Variants in LUZP2 observed in about 807,000 individuals in gnomAD.
The protein encoded by LUZP2 is leucine zipper protein 2.
A neutral mutation model predicts 51.6 loss-of-function variants in LUZP2; 52 were observed. The ratio of observed to expected loss-of-function variants is 1.01; its 90% CI spans 0.81 to 1.27. The LOEUF is 1.27. Ranked by LOEUF, LUZP2 falls within the 50% of genes most tolerant of loss-of-function variation. LUZP2 has a pLI of 0.00. For synonymous variants in LUZP2, 154 were observed against 137.3 expected (o/e 1.12, Z -0.85); for missense variants, 436 against 395.4 (o/e 1.10, Z -0.87).
chr11:24,926,236 T>TATATATAC (rs1565118500), intron 7 of LUZP2, among the ~76,000 whole-genome samples: 10 of 145,764 alleles, frequency 6.9e-5, no homozygotes, highest in Non-Finnish European at 1.2e-4. Context: ...TATATATATA[T>TATATATAC]GTGTGTGTAT....
chr11:24,705,933 G>GAA (rs71041793), intron 1 of LUZP2, among the ~76,000 whole-genome samples: 24,766 of 123,390 alleles, frequency 0.2, 2,439 homozygotes, highest in East Asian at 0.26. Flanking sequence ...CGCTAAAAAA[G>GAA]AAAAAAAAAA....
chr11:24,973,367 T>TTTG (rs1855801340), intron 7 of LUZP2, among the ~76,000 whole-genome samples: 1 of 52,372 alleles, frequency 1.9e-5, no homozygotes, highest in Admixed American at 1.8e-4. Context: ...TTTATTAGTT[T>TTTG]TTTTTTTTTT....
intron 5 of LUZP2, among the ~76,000 whole-genome samples, chr11:24,869,488 C>G (rs1486718): frequency 0.99 from 150,884 of 152,072 alleles, 74,859 homozygotes; most frequent in Middle Eastern, 1. Flanking sequence ...ATGGAGTCTC[C>G]CTCTGTCGCC....
chr11:24,649,752 A>G (rs1855568889), intron 1 of LUZP2, among the ~76,000 whole-genome samples: 1 of 151,890 alleles, frequency 6.6e-6, no homozygotes, highest in Non-Finnish European at 1.5e-5. Context: ...TTTCTATCAG[A>G]GGCAAAAGGC....
chr11:24,842,615 C>G (rs1851071106), intron 5 of LUZP2, among the ~76,000 whole-genome samples: 1 of 151,898 alleles, frequency 6.6e-6, no homozygotes, highest in Admixed American at 6.6e-5. Flanking sequence ...GACCCTTAAG[C>G]TAGAAATCAA....
intron 7 of LUZP2, among the ~76,000 whole-genome samples, chr11:24,960,458 T>TG (rs1184863839): frequency 7.1e-6 from 1 of 141,538 alleles, no homozygotes; most frequent in Non-Finnish European, 1.6e-5. Context: ...GAGATTCAAC[T>TG]TCTTCCTGGT....
chr11:24,965,737 A>G, intron 7 of LUZP2, among the ~76,000 whole-genome samples: 1 of 151,854 alleles, frequency 6.6e-6, no homozygotes, highest in East Asian at 1.9e-4. Context: ...TATGAAATGT[A>G]TGTAGAATAT....
chr11:25,014,018 C>T (rs1022354481), intron 9 of LUZP2, among the ~76,000 whole-genome samples: 47 of 152,020 alleles, frequency 3.1e-4, no homozygotes, highest in African/African-American at 4.3e-4. Context: ...TTTGTCCCTG[C>T]GATAGTTTGC....
intron 4 of LUZP2, among the ~76,000 whole-genome samples, chr11:24,739,525 G>A (rs1472481151): frequency 1.3e-5 from 2 of 152,026 alleles, no homozygotes; most frequent in Non-Finnish European, 2.9e-5. Flanking sequence ...GTTGTTCAGA[G>A]CAAGGCTGAT....
At chr11:24,678,079 G>T (rs1185101213) in intron 1 of LUZP2, among the ~76,000 whole-genome samples, 3 of 136,320 alleles carry the variant, frequency 2.2e-5, no homozygotes, top group Non-Finnish European at 3.2e-5. Context: ...GGAGAAAGGG[G>T]GGGGGGGGTG....
intron 9 of LUZP2, among the ~76,000 whole-genome samples, chr11:24,997,158 G>A (rs111667635): frequency 0.38 from 56,622 of 148,118 alleles, 12,980 homozygotes; most frequent in East Asian, 0.68. Context: ...TGGGTCAAAT[G>A]GTATTTCTAG....
chr11:24,701,101 G>C (rs1857407757), intron 1 of LUZP2, among the ~76,000 whole-genome samples: 1 of 152,196 alleles, frequency 6.6e-6, no homozygotes, highest in Admixed American at 6.5e-5. Flanking sequence ...CAAAGGCTGG[G>C]TAATTTATAA....
chr11:24,959,196 C>T (rs1469481572), intron 7 of LUZP2, among the ~76,000 whole-genome samples: 1 of 152,086 alleles, frequency 6.6e-6, no homozygotes, highest in Non-Finnish European at 1.5e-5. Context: ...TGTGATGCCT[C>T]CAGCTTTGTT....
At chr11:25,007,056 C>A (rs978356614) in intron 9 of LUZP2, among the ~76,000 whole-genome samples, 1 of 152,134 alleles carries the variant, frequency 6.6e-6, no homozygotes, top group Admixed American at 6.5e-5. Context: ...TTTGCATTTA[C>A]AAACCTTTAG....
intron 5 of LUZP2, among the ~76,000 whole-genome samples, chr11:24,895,295 A>C (rs550328504): frequency 6.6e-6 from 1 of 152,272 alleles, no homozygotes; most frequent in East Asian, 1.9e-4. Context: ...AAGAGGATAA[A>C]AACTTAAGGA....
chr11:24,926,379 G>GTATATATATACGTGTGTA (rs1269637157), intron 7 of LUZP2, among the ~76,000 whole-genome samples: 13 of 8,034 alleles, frequency 1.6e-3, no homozygotes, highest in African/African-American at 3.9e-3. Context: ...ATATACGTGT[G>GTATATATATACGTGTGTA]TATATATATA....
At chr11:24,936,070 G>A (rs986399694) in intron 7 of LUZP2, among the ~76,000 whole-genome samples, 4 of 151,942 alleles carry the variant, frequency 2.6e-5, no homozygotes, top group Non-Finnish European at 5.9e-5. Flanking sequence ...TAGTGTTTTT[G>A]TTAACCTAAT....
At chr11:24,952,072 G>C (rs1158260283) in intron 7 of LUZP2, among the ~76,000 whole-genome samples, 1 of 151,626 alleles carries the variant, frequency 6.6e-6, no homozygotes, top group East Asian at 1.9e-4. Flanking sequence ...ACTGGCAACT[G>C]AGGTTGAGGA....
chr11:24,629,291 A>G (rs1256451071), intron 1 of LUZP2, among the ~76,000 whole-genome samples: 1 of 151,794 alleles, frequency 6.6e-6, no homozygotes, highest in Admixed American at 6.6e-5. Flanking sequence ...GTTCATATGT[A>G]CACATTATTT....
Sources: allele counts gnomAD v4.1 joint callset (sites outside exome capture counted in the v4.1 genomes callset), GRCh38; gene constraint gnomAD v4.1.1; transcripts MANE v1.5; gene names NCBI Gene and HGNC (gene_info 2026-07-23, HGNC 2026-07-21).